CNTNAP1: variants seen among roughly 807,000 people sequenced by gnomAD.
The protein encoded by CNTNAP1 is contactin associated protein 1, also known as contactin-associated protein 1.
CNTNAP1 carries 80 observed loss-of-function variants against 161.5 expected under a neutral mutation model. The ratio of observed to expected loss-of-function variants is 0.50; its 90% CI spans 0.41 to 0.60. CNTNAP1 has a LOEUF of 0.60. CNTNAP1 is among the 20% of genes least tolerant of loss of function. CNTNAP1 has a pLI of 0.00. For missense variants in CNTNAP1, 1,464 were observed against 1,854.8 expected, an observed-to-expected ratio of 0.79 and a Z score of 3.87; for synonymous variants, 695 against 733.1, an observed-to-expected ratio of 0.95 and a Z score of 0.84.
chr17:42,690,523 CAA>C (rs374434783), intron 12 of CNTNAP1, among the ~76,000 whole-genome samples: 13 of 106,744 alleles, frequency 1.2e-4, no homozygotes, highest in Admixed American at 3.1e-4. Flanking sequence ...GACTTCATCT[CAA>C]AAAAAAAAAA....
chr17:42,692,828 G>C, intron 17 of CNTNAP1, 108 bp downstream of exon 17: 1 of 949,010 alleles, frequency 1.1e-6, no homozygotes, highest in Admixed American at 2.7e-5. Flanking sequence ...AGTCCCCTCT[G>C]CTTCAGAGCA....
chr17:42,686,213 C>G, intron 6 of CNTNAP1, 72 bp downstream of exon 6: 3 of 1,468,930 alleles, frequency 2.0e-6, no homozygotes, highest in Non-Finnish European at 2.8e-6. Flanking sequence ...CGGTCTCTCC[C>G]TTTCTCTTTT....
At chr17:42,688,767 G>A in intron 9 of CNTNAP1, 109 bp from the exon 10 acceptor site, 1 of 1,513,038 alleles carries the variant, frequency 6.6e-7, no homozygotes, top group Non-Finnish European at 9.1e-7. Flanking sequence ...TCTACACTTT[G>A]GTTGTAGTCC....
At position 42,687,688 on chromosome 17, in the gene CNTNAP1, G is replaced by GAATTCCCAGCTGA; in HGVS notation, c.1045-32_1045-31insAATTCCCAGCTGA. 2 of 1,606,558 alleles carry GAATTCCCAGCTGA rather than the reference G, an allele frequency of 1.2e-6. No individual in the cohort carries two copies. ...CCCAGCTGAGGCAGAGGCGGCTCAC[G>GAATTCCCAGCTGA]GGTGTTGATGCGTCTTCACTTTTGC... On this transcript the variant is annotated intron_variant, in intron 7 of 23. Transcript: ENST00000264638. The surrounding 1 kb of genome is among the most constrained non-coding windows in gnomAD (Gnocchi z 4.7).
At chr17:42,689,074 G>T in intron 10 of CNTNAP1, 27 bp downstream of exon 10, 1 of 1,536,356 alleles carries the variant, frequency 6.5e-7, no homozygotes, top group South Asian at 1.3e-5. Context: ...AACAAGAGAT[G>T]ACCCCTCCAA....
intron 18 of CNTNAP1, 62 bp downstream of exon 18, chr17:42,693,598 C>T: frequency 6.3e-7 from 1 of 1,580,248 alleles, no homozygotes; most frequent in Non-Finnish European, 8.7e-7. Flanking sequence ...GTAGGGAGGG[C>T]AGGGAAGGAA....
At position 42,687,833 on chromosome 17, in the gene CNTNAP1, A is replaced by G. The variant is rs749520740; in HGVS notation, c.1158A>G (p.Ser386=). The change falls in exon 8 of 24, where the codon TCA becomes TCG. Residue 386 remains serine (S), a synonymous_variant. Transcript: ENST00000264638. The surrounding 1 kb of genome is among the most constrained non-coding windows in gnomAD (Gnocchi z 4.7). ...GFPRRGRLAV[S]FRFRTWDLTG... ...CACGCCGTGGCCGCCTGGCAGTCTCATTTCGCTTCCGCACCTGGGACCTCA... is the reference window on the plus strand; with the variant it reads ...CACGCCGTGGCCGCCTGGCAGTCTCGTTTCGCTTCCGCACCTGGGACCTCA... The G allele has an allele frequency of 6.2e-7, 1 of 1,614,060 alleles. No homozygotes were observed. Among genetic ancestry groups the G allele is most frequent in the Non-Finnish European group, 8.5e-7 (1 of 1,180,022 alleles).
chr17:42,686,006 C>T lies in CNTNAP1; in HGVS notation c.765C>T (p.Gly255=), dbSNP rs62001916. ...PRPGHTTVSA[G]GVLNDQHWHY... ...CAGGTCACACCACCGTGAGCGCAGG[C>T]GGAGTCCTCAATGACCAGCACTGGC... The change falls in exon 6 of 24, where the codon GGC becomes GGT. Residue 255 remains glycine (G), a synonymous_variant. Coordinates refer to ENST00000264638, the MANE Select transcript of CNTNAP1 (RefSeq NM_003632.3). 11,839 of 1,614,164 alleles carry T rather than the reference C, an allele frequency of 7.3e-3. 63 individuals carry two copies. The highest frequency in any genetic ancestry group is 0.01 in the Middle Eastern group (61 of 6,062).
chr17:42,686,992 C>G lies in CNTNAP1; in HGVS notation c.990C>G (p.Asn330Lys). 6.2e-7 allele frequency: 1 copy of G among 1,614,084 alleles called. No homozygotes were observed. The highest frequency in any genetic ancestry group is 8.5e-7 in the Non-Finnish European group (1 of 1,179,968). ...FRGCIENVIFNRVNIADLAVR... is the reference protein window; with the variant it reads ...FRGCIENVIFKRVNIADLAVR... ...GCTGCATAGAAAACGTAATCTTCAA[C>G]CGCGTCAACATCGCAGACCTGGCCG... The change falls in exon 7 of 24, where the codon AAC (asparagine) becomes AAG (lysine). Residue 330 changes from asparagine (N) to lysine (K), a missense_variant. Coordinates refer to ENST00000264638, the MANE Select transcript of CNTNAP1 (RefSeq NM_003632.3).
At position 42,685,228 on chromosome 17, in the gene CNTNAP1, C is replaced by CTCTATT; in HGVS notation, c.526_531dup (p.Tyr176_Phe177dup). 6.2e-7 allele frequency: 1 copy of CTCTATT among 1,613,838 alleles called. No individual in the cohort carries two copies. The highest frequency in any genetic ancestry group is 8.5e-7 in the Non-Finnish European group (1 of 1,180,044). On this transcript the variant is annotated inframe_insertion, in exon 5 of 24. Transcript: ENST00000264638. The surrounding 1 kb of genome is among the most constrained non-coding windows in gnomAD (Gnocchi z 5.0). ...GGTCCTTTGCGCAGAGGCCGACATA[C>CTCTATT]TCTATTTCGACGGCGACGATGCCAT...
intron 10 of CNTNAP1, 99 bp downstream of exon 10, chr17:42,689,146 C>T: frequency 8.1e-7 from 1 of 1,236,074 alleles, no homozygotes; most frequent in Non-Finnish European, 1.1e-6. Flanking sequence ...TTCTCCTTGT[C>T]TCTGCTCCTT....
Position 42,687,057 on chromosome 17 carries a change from A to C in CNTNAP1, c.1044+11A>C, listed in dbSNP as rs778872572. The C allele has an allele frequency of 4.4e-6, 7 of 1,608,146 alleles. No homozygotes were observed. Among genetic ancestry groups the C allele is most frequent in the East Asian group, 2.2e-5 (1 of 44,698 alleles). On this transcript the variant is annotated intron_variant, in intron 7 of 23. Coordinates refer to ENST00000264638, the MANE Select transcript of CNTNAP1 (RefSeq NM_003632.3). This position sits in a 1 kb window ranked among gnomAD's most constrained non-coding sequence, Gnocchi z 4.7. ...CGGATCACCTTCGAGGCCAGTGGGC[A>C]GGGGGGTCTGGGAGGACAGGATATC...
At position 42,692,688 on chromosome 17, in the gene CNTNAP1, T is replaced by A; in HGVS notation, c.2720T>A (p.Ile907Asn). 1 of 1,613,900 alleles carries A rather than the reference T, an allele frequency of 6.2e-7. No individual in the cohort carries two copies. Among genetic ancestry groups the A allele is most frequent in the Non-Finnish European group, 8.5e-7 (1 of 1,179,878 alleles). The change falls in exon 17 of 24, where the codon ATC becomes AAC. Residue 907 changes from isoleucine (I) to asparagine (N), a missense_variant. Ile to Asn is a moderately radical substitution (Grantham distance 149). Around this residue, in one of 3 missense-constraint regions of CNTNAP1, gnomAD observed 1,383 missense variants for 1,765.0 expected, o/e 0.78. Coordinates refer to ENST00000264638, the MANE Select transcript of CNTNAP1 (RefSeq NM_003632.3). ...CGGCCTATGCCACTGCAGACCTACATCTGGATGGAGTATGACCAGCCCCTC... is the reference window on the plus strand; with the variant it reads ...CGGCCTATGCCACTGCAGACCTACAACTGGATGGAGTATGACCAGCCCCTC... Reference protein sequence around the residue: ...VLRPMPLQTYIWMEYDQPLYV... With the variant: ...VLRPMPLQTYNWMEYDQPLYV...
rs768847403 is a variant in CNTNAP1 at position 42,685,457 on chromosome 17, C to T, written c.715+37C>T. On this transcript the variant is annotated intron_variant, in intron 5 of 23. Transcript: ENST00000264638. The surrounding 1 kb of genome is among the most constrained non-coding windows in gnomAD (Gnocchi z 5.0). ...GACCATGTGCGATGCGGAGCCAACC[C>T]CTGAAGCTCTCTCACCGCCCTCCTC... 6.4e-7 allele frequency: 1 copy of T among 1,571,030 alleles called. No homozygotes were observed.
intron 1 of CNTNAP1, chr17:42,683,151 C>A: frequency 1.7e-6 from 1 of 588,186 alleles, no homozygotes; most frequent in Non-Finnish European, 2.9e-6. Flanking sequence ...GGGATCCAAG[C>A]AGGAGCTGGT....
Position 42,684,086 on chromosome 17 carries a change from A to G in CNTNAP1, c.220A>G (p.Ile74Val). The G allele has an allele frequency of 6.2e-7, 1 of 1,614,194 alleles. No homozygotes were observed. Among genetic ancestry groups the G allele is most frequent in the Non-Finnish European group, 8.5e-7 (1 of 1,180,020 alleles). ...TGGGGATCCGAATCCCTGGCTCCAG[A>G]TAGACTTAATGAAGAAGCACCGGAT... ...RIGDPNPWLQ[I>V]DLMKKHRIRA... Residue 74 changes from isoleucine (I) to valine (V), a missense_variant, in exon 3 of 24, where the codon ATA (isoleucine) becomes GTA (valine). Around this residue, in one of 3 missense-constraint regions of CNTNAP1, gnomAD observed 1,383 missense variants for 1,765.0 expected, o/e 0.78. Coordinates refer to ENST00000264638, the MANE Select transcript of CNTNAP1 (RefSeq NM_003632.3).
At chr17:42,698,102 G>A in intron 23 of CNTNAP1, 152 bp downstream of exon 23, 1 of 883,970 alleles carries the variant, frequency 1.1e-6, no homozygotes, top group Non-Finnish European at 1.8e-6. Flanking sequence ...TGCTGAAGGT[G>A]CCATATAACT....
chr17:42,696,096 G>C lies in CNTNAP1; in HGVS notation c.3418G>C (p.Asp1140His). ...CCAGCTAACCACTCGACCAGTGACC[G>C]ATGGCCAGCCCCATAGCATCAATAT... ...VYQLTTRPVTDGQPHSINITR... is the reference protein window; with the variant it reads ...VYQLTTRPVTHGQPHSINITR... Residue 1140 changes from aspartate to histidine, a missense_variant, in exon 20 of 24, where the codon GAT becomes CAT. Transcript: ENST00000264638. 1 of 1,614,130 alleles carries C rather than the reference G, an allele frequency of 6.2e-7. No homozygotes were observed.
At chr17:42,690,510 C>T (rs1015543291) in intron 12 of CNTNAP1, among the ~76,000 whole-genome samples, 5 of 133,118 alleles carry the variant, frequency 3.8e-5, no homozygotes, top group Non-Finnish European at 3.1e-5. Flanking sequence ...GGCAACAGAG[C>T]GAGACTTCAT....
Sources: allele counts gnomAD v4.1 joint callset (sites outside exome capture counted in the v4.1 genomes callset), GRCh38; gene constraint gnomAD v4.1.1; regional missense constraint gnomAD v4.1.1; non-coding constraint Gnocchi (gnomAD v3.1); transcripts MANE v1.5; gene names NCBI Gene and HGNC (gene_info 2026-07-23, HGNC 2026-07-21).